The following FAM120B variants were observed in gnomAD, a reference collection of about 807,000 sequenced individuals.
FAM120B encodes the protein constitutive coactivator of peroxisome proliferator-activated receptor gamma.
In FAM120B, 83 loss-of-function variants were observed where a neutral mutation model predicts 96.3. That is an observed-to-expected ratio of 0.86 (90% CI 0.72 to 1.03). The LOEUF (loss-of-function observed/expected upper bound fraction) is 1.03. Ranked by LOEUF, FAM120B falls within the 50% of genes least tolerant of loss-of-function variation. The pLI, the probability that FAM120B is intolerant of heterozygous loss-of-function variation, is 0.00. For synonymous variants in FAM120B, 407 were observed against 402.7 expected, an observed-to-expected ratio of 1.01 and a Z score of -0.13; for missense variants, 1,027 against 1,121.2, an observed-to-expected ratio of 0.92 and a Z score of 1.20.
At chr6:170,380,328 T>C (rs1159440890) in intron 6 of FAM120B, among the ~76,000 whole-genome samples, 1 of 152,210 alleles carries the variant, frequency 6.6e-6, no homozygotes, top group Non-Finnish European at 1.5e-5. Context: ...TGCAGGTATC[T>C]CATCAACATA....
intron 6 of FAM120B, among the ~76,000 whole-genome samples, chr6:170,368,006 G>A (rs1436636405): frequency 6.6e-6 from 1 of 152,180 alleles, no homozygotes; most frequent in Non-Finnish European, 1.5e-5. Context: ...TTTTTAAGAT[G>A]AAGTCATGTT....
intron 5 of FAM120B, among the ~76,000 whole-genome samples, chr6:170,352,473 A>C (rs1485732104): frequency 6.6e-6 from 1 of 152,236 alleles, no homozygotes; most frequent in Non-Finnish European, 1.5e-5. Context: ...AACATAATAT[A>C]CATTCTTCTC....
intron 6 of FAM120B, among the ~76,000 whole-genome samples, chr6:170,365,871 G>C (rs1207710738): frequency 6.6e-6 from 1 of 152,182 alleles, no homozygotes; most frequent in Admixed American, 6.5e-5. Context: ...GCCAGTTGGT[G>C]CAAGTGTTTA....
chr6:170,323,364 T>A, intron 3 of FAM120B, 105 bp downstream of exon 3: 1 of 940,208 alleles, frequency 1.1e-6, no homozygotes, highest in Non-Finnish European at 1.6e-6. Flanking sequence ...TGGAGACAAT[T>A]AAATGGGTTT....
chr6:170,334,411 A>G (rs1162476631), intron 4 of FAM120B, among the ~76,000 whole-genome samples: 2 of 152,244 alleles, frequency 1.3e-5, no homozygotes, highest in African/African-American at 4.8e-5. Context: ...ATTTGCTATC[A>G]AACAGTTGTA....
chr6:170,391,727 G>A (rs1790490817), intron 8 of FAM120B, among the ~76,000 whole-genome samples: 1 of 152,146 alleles, frequency 6.6e-6, no homozygotes, highest in Non-Finnish European at 1.5e-5. Flanking sequence ...AAGAGTTTAG[G>A]TTTATTTTTT....
chr6:170,398,774 A>C (rs1778361155), intron 9 of FAM120B, among the ~76,000 whole-genome samples: 1 of 149,890 alleles, frequency 6.7e-6, no homozygotes, highest in Non-Finnish European at 1.5e-5. Flanking sequence ...CATAAGCCTT[A>C]GGAGTGAGTG....
In FAM120B at chr6:170,404,912, C is replaced by T. The variant is rs1196767377; in HGVS notation, c.*161C>T. 2 of 356,982 alleles carry T rather than the reference C, an allele frequency of 5.6e-6. No individual in the cohort carries two copies. Among genetic ancestry groups the T allele is most frequent in the African/African-American group, 4.2e-5 (2 of 48,038 alleles). The allele number at this position is 356,982 out of a possible 1,614,324, so 22.1% of individuals were successfully genotyped here. ...CGATGCCTTTTTCAATGGTGTCTCC[C>T]TCCCATTGTGCAGAAGAGCTTTTGT... On this transcript the variant is annotated 3_prime_UTR_variant, in exon 11 of 11. Transcript: ENST00000476287.
rs747412214 is a variant in FAM120B, at chr6:170,348,161, T to A, written c.2028T>A (p.Pro676=). 9.9e-6 allele frequency: 16 copies of A among 1,613,744 alleles called. No homozygotes were observed. The highest frequency in any genetic ancestry group is 7.6e-6 in the Non-Finnish European group (9 of 1,179,816). Residue 676 remains proline (P), a synonymous_variant, in exon 5 of 11, where the codon CCT becomes CCA. Coordinates refer to ENST00000476287, the MANE Select transcript of FAM120B (RefSeq NM_032448.3). ...PLQMTIPGGT[P]SLKILWLNQE... is the part of the protein sequence containing the mutation. ...TTTTTTCTTAACTAGGGGGAACGCC[T>A]AGTTTGAAAATATTATGGCTGAACC...
upstream of FAM120B, among the ~76,000 whole-genome samples, chr6:170,306,013 C>T (rs953968768): frequency 9.9e-5 from 15 of 152,208 alleles, no homozygotes; most frequent in Admixed American, 5.9e-4. Flanking sequence ...ACTGGAATTC[C>T]TCTGAAGCAT....
chr6:170,302,527 T>C (rs775103138), upstream of FAM120B, among the ~76,000 whole-genome samples: 1 of 152,196 alleles, frequency 6.6e-6, no homozygotes, highest in Non-Finnish European at 1.5e-5. Context: ...CAAATACATC[T>C]TGCAGTCTAT....
intron 1 of FAM120B, among the ~76,000 whole-genome samples, chr6:170,310,716 A>T (rs1301769402): frequency 1.3e-5 from 2 of 152,224 alleles, no homozygotes; most frequent in African/African-American, 4.8e-5. Flanking sequence ...AGGGGCTGCC[A>T]TGGGACTTTT....
chr6:170,307,275 G>C (rs1041891775), intron 1 of FAM120B, among the ~76,000 whole-genome samples: 2 of 152,194 alleles, frequency 1.3e-5, no homozygotes, highest in African/African-American at 4.8e-5. Flanking sequence ...GGCATCCTCT[G>C]ATCTCTTCAC....
At position 170,330,542 on chromosome 6, in the gene FAM120B, C is replaced by A; in HGVS notation, c.2009C>A (p.Thr670Asn). 1 of 1,613,180 alleles carries A rather than the reference C, an allele frequency of 6.2e-7. No individual in the cohort carries two copies. Residue 670 changes from threonine to asparagine, a missense_variant, in exon 4 of 11, where the codon ACC (threonine) becomes AAC (asparagine). This residue lies in a region of FAM120B where 880 missense variants were observed against 980.9 expected (regional missense o/e 0.90). Coordinates refer to ENST00000476287, the MANE Select transcript of FAM120B (RefSeq NM_032448.3). ...GACCTCGTCAGGCCGCTGCAGATGA[C>A]CATTCCAGGTACAGGCAGCCTTTCT... Reference protein sequence around the residue: ...HPDLVRPLQMTIPGGTPSLKI... With the variant: ...HPDLVRPLQMNIPGGTPSLKI...
intron 4 of FAM120B, among the ~76,000 whole-genome samples, chr6:170,332,911 T>G (rs567061130): frequency 6.6e-6 from 1 of 151,594 alleles, no homozygotes; most frequent in Non-Finnish European, 1.5e-5. Context: ...ATGTTCTTTC[T>G]TTTTTTTTAA....
At chr6:170,352,424 G>C (rs2115159934) in intron 5 of FAM120B, among the ~76,000 whole-genome samples, 1 of 152,274 alleles carries the variant, frequency 6.6e-6, no homozygotes, top group African/African-American at 2.4e-5. Flanking sequence ...TGGATCACTT[G>C]GACCTGATAG....
intron 5 of FAM120B, among the ~76,000 whole-genome samples, chr6:170,350,130 C>T (rs752257500): frequency 5.9e-5 from 9 of 152,246 alleles, no homozygotes; most frequent in South Asian, 2.1e-4. Context: ...TTACATACTC[C>T]GGCTCTGGGA....
upstream of FAM120B, among the ~76,000 whole-genome samples, chr6:170,291,642 G>T (rs1314643031): frequency 1.3e-5 from 2 of 152,186 alleles, no homozygotes; most frequent in Middle Eastern, 3.2e-3. Flanking sequence ...GGTCCGAGGC[G>T]GGGACACCTC....
At chr6:170,364,025 G>A (rs909200341) in intron 6 of FAM120B, among the ~76,000 whole-genome samples, 2 of 152,156 alleles carry the variant, frequency 1.3e-5, no homozygotes, top group Non-Finnish European at 1.5e-5. Flanking sequence ...GAGCAGCCAC[G>A]CCCAGCCAAA....
Sources: allele counts gnomAD v4.1 joint callset (sites outside exome capture counted in the v4.1 genomes callset), GRCh38; gene constraint gnomAD v4.1.1; regional missense constraint gnomAD v4.1.1; transcripts MANE v1.5; gene names NCBI Gene and HGNC (gene_info 2026-07-23, HGNC 2026-07-21).